Variants in ADAM12 observed in about 807,000 individuals in gnomAD.
The protein encoded by ADAM12 is disintegrin and metalloproteinase domain-containing protein 12.
A neutral mutation model predicts 106.4 loss-of-function variants in ADAM12; 70 were observed. The observed-to-expected ratio is 0.66, with a 90% CI of 0.54 to 0.80. ADAM12 has a LOEUF of 0.80. Among genes scored for constraint, ADAM12 ranks in the 30% least tolerant of loss-of-function variants. The pLI is 0.00. For synonymous variants in ADAM12, 420 were observed against 433.5 expected, an observed-to-expected ratio of 0.97 and a Z score of 0.39; for missense variants, 1,010 against 1,171.9, an observed-to-expected ratio of 0.86 and a Z score of 2.02.
chr10:126,214,048 A>G (rs2133841217), intron 3 of ADAM12, among the ~76,000 whole-genome samples: 1 of 152,362 alleles, frequency 6.6e-6, no homozygotes, highest in South Asian at 2.1e-4. Flanking sequence ...AAATATGGCT[A>G]AAATCAGGAC....
chr10:126,322,224 C>T (rs1854125418), intron 2 of ADAM12, among the ~76,000 whole-genome samples: 2 of 152,274 alleles, frequency 1.3e-5, no homozygotes, highest in Middle Eastern at 6.8e-3. Flanking sequence ...TACGCAACAG[C>T]CCAGTTGAGT....
At chr10:126,330,267 G>T (rs2133850687) in intron 2 of ADAM12, 145 bp downstream of exon 2, 1 of 671,444 alleles carries the variant, frequency 1.5e-6, no homozygotes, top group Non-Finnish European at 2.5e-6. Context: ...CATATTTTTG[G>T]CTTAAGAATA....
intron 4 of ADAM12, among the ~76,000 whole-genome samples, chr10:126,140,752 A>T (rs1204520137): frequency 6.6e-6 from 1 of 152,232 alleles, no homozygotes; most frequent in Non-Finnish European, 1.5e-5. Flanking sequence ...AACAAATGTG[A>T]TTGAGTTTTT....
chr10:126,245,151 G>T (rs566830730), intron 3 of ADAM12, among the ~76,000 whole-genome samples: 3 of 152,322 alleles, frequency 2.0e-5, no homozygotes, highest in African/African-American at 7.2e-5. Flanking sequence ...TCAAGGGAGA[G>T]TGAGCATCAC....
chr10:126,082,361 C>CTGTTTT (rs1955237164), intron 11 of ADAM12, among the ~76,000 whole-genome samples: 1 of 50,030 alleles, frequency 2.0e-5, no homozygotes, highest in Non-Finnish European at 3.8e-5. Context: ...AATCTAATGA[C>CTGTTTT]TGTTTTTTTT....
intron 11 of ADAM12, among the ~76,000 whole-genome samples, chr10:126,075,052 C>T (rs1424123023): frequency 6.6e-6 from 1 of 152,168 alleles, no homozygotes; most frequent in Non-Finnish European, 1.5e-5. Flanking sequence ...ATGGGGAGTC[C>T]AGCAGCCCTT....
At chr10:126,277,945 C>G (rs1334591039) in intron 3 of ADAM12, among the ~76,000 whole-genome samples, 1 of 152,148 alleles carries the variant, frequency 6.6e-6, no homozygotes, top group Non-Finnish European at 1.5e-5. Flanking sequence ...CAAATCAAAG[C>G]ACCAACACAA....
At chr10:126,169,680 C>G (rs1432291899) in intron 3 of ADAM12, among the ~76,000 whole-genome samples, 1 of 152,160 alleles carries the variant, frequency 6.6e-6, no homozygotes, top group South Asian at 2.1e-4. Context: ...AGTTCTACCA[C>G]CTAAAATATA....
chr10:126,031,909 A>G (rs1017623621), intron 21 of ADAM12, among the ~76,000 whole-genome samples: 3 of 152,152 alleles, frequency 2.0e-5, no homozygotes, highest in Non-Finnish European at 2.9e-5. Context: ...GGATGAAAAA[A>G]GTTTGTTTCC....
chr10:126,084,239 C>T (rs1955291317), intron 11 of ADAM12, among the ~76,000 whole-genome samples: 1 of 152,174 alleles, frequency 6.6e-6, no homozygotes, highest in Non-Finnish European at 1.5e-5. Context: ...CTGGACGTTA[C>T]CAGAAAGTGG....
rs1478887333 is a variant in ADAM12 at position 126,378,235 on chromosome 10, T to C, written c.88+9823A>G. Among the ~76,000 whole-genome samples, 5 of 152,176 alleles carry C rather than the reference T, an allele frequency of 3.3e-5. No homozygotes were observed. In the East Asian group the frequency reaches 9.6e-4, roughly 29 times the overall value. On this transcript the variant is annotated intron_variant, in intron 1 of 22. Transcript: ENST00000448723. ...GGTACAACCAATTTGGAAAGCAACT[T>C]AACAAAATACGTTACAGTAAAAAAT...
At chr10:126,382,908 A>C (rs530019782) in intron 1 of ADAM12, among the ~76,000 whole-genome samples, 1 of 152,330 alleles carries the variant, frequency 6.6e-6, no homozygotes, top group East Asian at 1.9e-4. Context: ...TTGCACAAGA[A>C]ACCTCTTGGA....
At chr10:126,336,941 GT>G (rs1854723218) in intron 1 of ADAM12, among the ~76,000 whole-genome samples, 1 of 152,196 alleles carries the variant, frequency 6.6e-6, no homozygotes, top group South Asian at 2.1e-4. Context: ...CAGATCCTTG[GT>G]GAGTGGAGCT....
chr10:126,312,587 G>A (rs1483393002), intron 2 of ADAM12, among the ~76,000 whole-genome samples: 5 of 152,178 alleles, frequency 3.3e-5, no homozygotes, highest in Non-Finnish European at 5.9e-5. Context: ...CAGGCCTGTG[G>A]GGAGCCTTTA....
intron 1 of ADAM12, among the ~76,000 whole-genome samples, chr10:126,338,218 A>T (rs1428282380): frequency 6.7e-6 from 1 of 149,734 alleles, no homozygotes; most frequent in East Asian, 2.0e-4. Flanking sequence ...AGCTGTGGGG[A>T]GCAAAGTCAC....
chr10:126,076,176 G>A (rs1955097560), intron 11 of ADAM12, among the ~76,000 whole-genome samples: 1 of 152,112 alleles, frequency 6.6e-6, no homozygotes, highest in South Asian at 2.1e-4. Flanking sequence ...GAGAACACGT[G>A]GTATTTGACT....
At chr10:126,234,653 G>T (rs543810286) in intron 3 of ADAM12, among the ~76,000 whole-genome samples, 2 of 152,232 alleles carry the variant, frequency 1.3e-5, no homozygotes, top group Non-Finnish European at 1.5e-5. Flanking sequence ...CATCCTGACA[G>T]TGTCCACCTA....
At chr10:126,203,184 T>C (rs1957733270) in intron 3 of ADAM12, among the ~76,000 whole-genome samples, 1 of 152,228 alleles carries the variant, frequency 6.6e-6, no homozygotes, top group African/African-American at 2.4e-5. Flanking sequence ...TTTCTTACCT[T>C]AATAACTAAT....
At chr10:126,345,446 T>C (rs951610142) in intron 1 of ADAM12, among the ~76,000 whole-genome samples, 1 of 152,200 alleles carries the variant, frequency 6.6e-6, no homozygotes, top group Non-Finnish European at 1.5e-5. Context: ...TTGAGGATTT[T>C]TGCATTGATT....
Sources: allele counts gnomAD v4.1 joint callset (sites outside exome capture counted in the v4.1 genomes callset), GRCh38; gene constraint gnomAD v4.1.1; transcripts MANE v1.5; gene names NCBI Gene and HGNC (gene_info 2026-07-23, HGNC 2026-07-21).